FBXO43: variants seen among roughly 807,000 people sequenced by gnomAD.
FBXO43 encodes F-box protein 43.
A neutral mutation model predicts 56.7 loss-of-function variants in FBXO43; 22 were observed. The ratio of observed to expected loss-of-function variants is 0.39; its 90% CI spans 0.28 to 0.55. The LOEUF is 0.55. Among genes scored for constraint, FBXO43 ranks in the 20% least tolerant of loss-of-function variants. The pLI, the probability that FBXO43 is intolerant of heterozygous loss-of-function variation, is 0.66. For missense variants in FBXO43, 733 were observed against 814.9 expected, an observed-to-expected ratio of 0.90 and a Z score of 1.22; for synonymous variants, 306 against 294.5, an observed-to-expected ratio of 1.04 and a Z score of -0.40.
chr8:100,149,726 A>G (rs937757478), upstream of FBXO43, among the ~76,000 whole-genome samples: 1 of 152,236 alleles, frequency 6.6e-6, no homozygotes, highest in Non-Finnish European at 1.5e-5. Context: ...CGAAAGGAGT[A>G]TAACCTGCTT....
At chr8:100,142,235 ATTATTTG>A in intron 1 of FBXO43, 67 bp from the exon 2 acceptor site, 1 of 1,362,060 alleles carries the variant, frequency 7.3e-7, no homozygotes, top group East Asian at 2.4e-5. Context: ...ACCAAAATAC[ATTATTTG>A]TTATGAGTAC....
upstream of FBXO43, among the ~76,000 whole-genome samples, chr8:100,146,338 G>C (rs1163923129): frequency 1.3e-5 from 2 of 152,108 alleles, no homozygotes; most frequent in East Asian, 3.9e-4. Context: ...CGGGCCTGGT[G>C]GCTCACATCT....
At chr8:100,139,012 T>C (rs1814558983) in intron 2 of FBXO43, among the ~76,000 whole-genome samples, 1 of 152,224 alleles carries the variant, frequency 6.6e-6, no homozygotes. Context: ...ACCAAATACA[T>C]TCTTGATCAA....
At chr8:100,135,936 T>C (rs1814456652) in intron 3 of FBXO43, among the ~76,000 whole-genome samples, 2 of 152,130 alleles carry the variant, frequency 1.3e-5, no homozygotes, top group South Asian at 4.1e-4. Context: ...TCTTTTTTTT[T>C]TTTTTGAGAA....
At position 100,142,017 on chromosome 8, in the gene FBXO43, A is replaced by C. The variant is rs764499644; in HGVS notation, c.237T>G (p.Asn79Lys). The stretch of plus-strand genomic sequence containing the variant: ...TATCAAAGCTACAAGATTTTAACTC[A>C]TTGTAGCCACTATCTTGAAATGAAG... ...STSSFQDSGY[N>K]ELKSCSFDNI... The change falls in exon 2 of 5, where the codon AAT becomes AAG. Residue 79 changes from asparagine to lysine, a missense_variant. Transcript: ENST00000428847. The C allele has an allele frequency of 6.2e-7, 1 of 1,613,680 alleles. No individual in the cohort carries two copies. The highest frequency in any genetic ancestry group is 1.1e-5 in the South Asian group (1 of 90,974).
intron 1 of FBXO43, among the ~76,000 whole-genome samples, chr8:100,143,289 A>T (rs1322616921): frequency 3.9e-5 from 6 of 152,218 alleles, no homozygotes; most frequent in Non-Finnish European, 5.9e-5. Context: ...CCATTAAAAG[A>T]TCCTGGGAAG....
At chr8:100,137,496 G>T in intron 3 of FBXO43, 69 bp downstream of exon 3, 1 of 1,032,174 alleles carries the variant, frequency 9.7e-7, no homozygotes. Flanking sequence ...ACCAAATTAG[G>T]TTGTCTAGCA....
intron 3 of FBXO43, 99 bp from the exon 4 acceptor site, chr8:100,134,463 T>C: frequency 9.6e-7 from 1 of 1,042,782 alleles, no homozygotes; most frequent in Non-Finnish European, 1.4e-6. Flanking sequence ...AGAGGTTTTT[T>C]GCCATCCGAA....
rs1390423568 is a variant in FBXO43 at position 100,140,787 on chromosome 8, T to C, written c.1467A>G (p.Lys489=). The C allele has an allele frequency of 1.9e-6, 3 of 1,613,990 alleles. No individual in the cohort carries two copies. Among genetic ancestry groups the C allele is most frequent in the Non-Finnish European group, 2.5e-6 (3 of 1,179,986 alleles). ...AGATGTCCAGTTTTTCTATACCCAT[T>C]TTCTTGCCGATCAGTCCTGCAAGTA... The part of the protein sequence containing the change: ...QCILAGLIGK[K]MGIEKLDILT... Residue 489 remains lysine, a synonymous_variant, in exon 2 of 5, where the codon AAA becomes AAG. Transcript: ENST00000428847.
At chr8:100,136,493 T>C (rs1285863815) in intron 3 of FBXO43, among the ~76,000 whole-genome samples, 1 of 152,254 alleles carries the variant, frequency 6.6e-6, no homozygotes, top group Non-Finnish European at 1.5e-5. Flanking sequence ...ATCAGATGCC[T>C]ATTACACAAA....
At chr8:100,138,540 T>C (rs1038352215) in intron 2 of FBXO43, among the ~76,000 whole-genome samples, 1 of 152,168 alleles carries the variant, frequency 6.6e-6, no homozygotes, top group Non-Finnish European at 1.5e-5. Context: ...CCACAGACAT[T>C]GCAACTGATC....
chr8:100,136,644 G>A (rs117571399), intron 3 of FBXO43, among the ~76,000 whole-genome samples: 58 of 152,284 alleles, frequency 3.8e-4, no homozygotes, highest in South Asian at 1.0e-3. Context: ...CTTCAGGCTT[G>A]TACATATGCT....
chr8:100,143,197 T>A (rs1157654929), intron 1 of FBXO43, among the ~76,000 whole-genome samples: 1 of 152,256 alleles, frequency 6.6e-6, no homozygotes, highest in Non-Finnish European at 1.5e-5. Flanking sequence ...TAGTTTTTGA[T>A]ATTTTTCCAG....
In FBXO43 at chr8:100,145,036, A is replaced by G; in HGVS notation, c.85+15T>C. On this transcript the variant is annotated intron_variant, in intron 1 of 4. Coordinates refer to ENST00000428847, the MANE Select transcript of FBXO43 (RefSeq NM_001029860.4). ...AACCCAAATGTTCTTCATTTGTTAA[A>G]GTGGAAACTCTTACCATCAGTAAAT... 6.2e-7 allele frequency: 1 copy of G among 1,604,484 alleles called. No individual in the cohort carries two copies.
chr8:100,140,074 A>C (rs1490554929), intron 2 of FBXO43, among the ~76,000 whole-genome samples: 1 of 150,454 alleles, frequency 6.6e-6, no homozygotes, highest in Non-Finnish European at 1.5e-5. Context: ...TGCCATCTTG[A>C]AAATTTAAAA....
At position 100,135,479 on chromosome 8, in the gene FBXO43, C is replaced by T. The variant is rs73276975; in HGVS notation, c.1675-1115G>A. ...GATAGTCCAGTTTGACTTTTTAAAC[C>T]ATGTATTACTTTGAAAAAGATTTTA... On this transcript the variant is annotated intron_variant, in intron 3 of 4. Transcript: ENST00000428847. 6.0e-3 allele frequency among the ~76,000 whole-genome samples: 906 copies of T among 151,848 alleles called. 16 individuals carry two copies. The highest frequency in any genetic ancestry group is 0.021 in the African/African-American group (878 of 41,366).
chr8:100,150,491 T>C (rs2132155189), upstream of FBXO43: 1 of 152,372 alleles, frequency 6.6e-6, no homozygotes, highest in African/African-American at 2.4e-5. Flanking sequence ...GACCAGGCAC[T>C]TAAACCCGTA....
Position 100,141,081 on chromosome 8 carries a change from G to A in FBXO43, c.1173C>T (p.Ser391=), listed in dbSNP as rs1166088582. 3 of 1,614,204 alleles carry A rather than the reference G, an allele frequency of 1.9e-6. No individual in the cohort carries two copies. The highest frequency in any genetic ancestry group is 2.2e-5 in the South Asian group (2 of 91,076). ...SRRLSTLREQ[S]SQSETEEEKQ... ...TTTCCTCTTCTGTCTCTGACTGCGA[G>A]CTTTGTTCCCGAAGGGTGGACAGTC... is the stretch of plus-strand genomic sequence containing the variant. Residue 391 remains serine, a synonymous_variant, in exon 2 of 5, where the codon AGC becomes AGT. Transcript: ENST00000428847.
rs1363432790 is a variant in FBXO43, at chr8:100,137,604, C to T, written c.1635G>A (p.Arg545=). ...TCAGTTGTGTGATATAAAATTTCCT[C>T]CTCCGATTTGCATTTTTATCTTGAA... ...IVVQDKNANR[R]RKFYITQLKT... The change falls in exon 3 of 5, where the codon AGG becomes AGA. Residue 545 remains arginine (R), a synonymous_variant. Coordinates refer to ENST00000428847, the MANE Select transcript of FBXO43 (RefSeq NM_001029860.4). 1 of 1,612,914 alleles carries T rather than the reference C, an allele frequency of 6.2e-7. No individual in the cohort carries two copies. The highest frequency in any genetic ancestry group is 1.7e-5 in the Admixed American group (1 of 59,662).
Sources: gnomAD v4.1 joint callset for allele counts (sites outside exome capture counted in the v4.1 genomes callset) on GRCh38, gnomAD v4.1.1 for gene constraint, MANE v1.5 for transcripts, NCBI Gene and HGNC (gene_info 2026-07-23, HGNC 2026-07-21) for gene names.